The following LAMA5 variants were observed in gnomAD, a reference collection of about 807,000 sequenced individuals.
The protein encoded by LAMA5 is laminin subunit alpha 5.
LAMA5 carries 260 observed loss-of-function variants against 433.4 expected under a neutral mutation model. The ratio of observed to expected loss-of-function variants is 0.60; its 90% CI spans 0.54 to 0.66. The LOEUF is 0.66. Among genes scored for constraint, LAMA5 ranks in the 30% least tolerant of loss-of-function variants. LAMA5 has a pLI of 0.00. For synonymous variants in LAMA5, 2,620 were observed against 2,226.6 expected, an observed-to-expected ratio of 1.18 and a Z score of -4.97; for missense variants, 5,378 against 5,258.5, an observed-to-expected ratio of 1.02 and a Z score of -0.70.
Position 62,316,751 on chromosome 20 carries a change from A to C in LAMA5, c.7676T>G (p.Val2559Gly), listed in dbSNP as rs1601294532. The change falls in exon 57 of 80, where the codon GTG becomes GGG. Residue 2559 changes from valine (V) to glycine (G), a missense_variant. Transcript: ENST00000252999. ...TWATVVRQGL[V>G]DRAQQLLANS... Reference sequence around the variant, plus strand: ...GGCCAGGAGCTGCTGGGCTCGGTCCACCAGGCCCTGCCGCACCACCGTCTG... The same window carrying C: ...GGCCAGGAGCTGCTGGGCTCGGTCCCCCAGGCCCTGCCGCACCACCGTCTG... 3.7e-6 allele frequency: 6 copies of C among 1,607,244 alleles called. No homozygotes were observed. Among genetic ancestry groups the C allele is most frequent in the Non-Finnish European group, 4.2e-6 (5 of 1,177,108 alleles).
Position 62,309,997 on chromosome 20 carries a change from G to C in LAMA5, c.10819C>G (p.Arg3607Gly), listed in dbSNP as rs772708717. 3 of 1,610,764 alleles carry C rather than the reference G, an allele frequency of 1.9e-6. No homozygotes were observed. The South Asian group carries it at 3.3e-5, about 18-fold the overall frequency. The change falls in exon 78 of 80, where the codon CGG (arginine) becomes GGG (glycine). Residue 3607 changes from arginine (R) to glycine (G), a missense_variant. Coordinates refer to ENST00000252999, the MANE Select transcript of LAMA5 (RefSeq NM_005560.6). ...ACAGGAGGGGCCTCACCCGCTAGCC[G>C]GTGCCACTGGCCATCACACAGCACT... ...PSVLCDGQWH[R>G]LAVMKSGNVL...
At chr20:62,330,704 C>G (rs1288476736) in intron 30 of LAMA5, 39 bp downstream of exon 30, 1 of 1,555,164 alleles carries the variant, frequency 6.4e-7, no homozygotes, top group East Asian at 2.4e-5. Context: ...CGGAGTCCTG[C>G]CCTGACACCC....
rs997928988 is a variant in LAMA5, at chr20:62,314,839, A to G, written c.8156T>C (p.Val2719Ala). 3.7e-6 allele frequency: 6 copies of G among 1,612,800 alleles called. No homozygotes were observed. Among genetic ancestry groups the G allele is most frequent in the Non-Finnish European group, 5.1e-6 (6 of 1,179,926 alleles). The stretch of plus-strand genomic sequence containing the variant: ...CCGGGCCTGGGCAATGAGCTCTCGC[A>G]CGCGGCCAATGCTGGCGGACAGGGC... ...SLALSASIGR[V>A]RELIAQARGA... The change falls in exon 60 of 80, where the codon GTG becomes GCG. Residue 2719 changes from valine (V) to alanine (A), a missense_variant. Transcript: ENST00000252999.
chr20:62,343,084 A>G (rs1601386183), intron 11 of LAMA5, among the ~76,000 whole-genome samples: 1 of 152,210 alleles, frequency 6.6e-6, no homozygotes, highest in East Asian at 1.9e-4. Flanking sequence ...ATAAAGTTTT[A>G]TTGGAACGCC....
chr20:62,337,422 C>T (rs1981847166), intron 16 of LAMA5, among the ~76,000 whole-genome samples, 168 bp downstream of exon 16: 1 of 152,264 alleles, frequency 6.6e-6, no homozygotes, highest in Admixed American at 6.5e-5. Context: ...ACGCGGACAC[C>T]CCTGCACGGC....
rs759144430 is a variant in LAMA5, at chr20:62,327,400, C to T, written c.4945G>A (p.Asp1649Asn). 6.3e-7 allele frequency: 1 copy of T among 1,588,020 alleles called. No homozygotes were observed. Among genetic ancestry groups the T allele is most frequent in the South Asian group, 1.1e-5 (1 of 87,258 alleles). The change falls in exon 38 of 80, where the codon GAT becomes AAT. Residue 1649 changes from aspartate to asparagine, a missense_variant. By Grantham distance (23) the Asp-to-Asn change is conservative. Transcript: ENST00000252999. ...SSSYTRQEFV[D>N]MEGWVLLSTD... is the part of the protein sequence containing the mutation. ...CTCAGCAGCACCCATCCCTCCATAT[C>T]CACGAACTGTGGGCACACACGTGTG...
At position 62,309,738 on chromosome 20, in the gene LAMA5, A is replaced by G. The variant is rs1306238337; in HGVS notation, c.10926T>C (p.Pro3642=). Residue 3642 remains proline, a synonymous_variant, in exon 79 of 80, where the codon CCT becomes CCC. Coordinates refer to ENST00000252999, the MANE Select transcript of LAMA5 (RefSeq NM_005560.6). ...LLAAAAGAPA[P]LYLGGLPEPM... ...CACCAGGCAGGCCCCCGAGGTACAG[A>G]GGGGCTGGGGCACCAGCTGCAGCCG... The G allele has an allele frequency of 6.2e-7, 1 of 1,601,966 alleles. No individual in the cohort carries two copies. The highest frequency in any genetic ancestry group is 8.5e-7 in the Non-Finnish European group (1 of 1,176,664).
chr20:62,323,553 G>A lies in LAMA5; in HGVS notation c.5967C>T (p.Gly1989=), dbSNP rs567125190. The change falls in exon 45 of 80, where the codon GGC becomes GGT. Residue 1989 remains glycine (G), a synonymous_variant. Transcript: ENST00000252999. ...TGTGGCGCAGGCAGCCACGGCAGGC[G>A]CCCGTCAGGGGGTCGCAGTCGCTGA... ...LLFSDCDPLT[G]ACRGCLRHTT... 2.3e-5 allele frequency: 37 copies of A among 1,595,562 alleles called. No individual in the cohort carries two copies. Among genetic ancestry groups the A allele is most frequent in the African/African-American group, 1.3e-4 (10 of 74,934 alleles).
chr20:62,322,783 G>A (rs1226141649), intron 45 of LAMA5, 25 bp from the exon 46 acceptor site: 2 of 1,393,168 alleles, frequency 1.4e-6, no homozygotes, highest in Non-Finnish European at 1.9e-6. Context: ...CGTGACTGCA[G>A]CCCTGGGCCC....
chr20:62,333,019 C>T (rs1980781575), intron 26 of LAMA5, 71 bp downstream of exon 26: 19 of 1,426,716 alleles, frequency 1.3e-5, no homozygotes, highest in Middle Eastern at 2.6e-4. Flanking sequence ...CCTGCCACCG[C>T]CACAGGACCC....
rs202095004 is a variant in LAMA5, at chr20:62,310,349, C to G, written c.10601-38G>C. The G allele has an allele frequency of 5.1e-6, 8 of 1,573,066 alleles. No homozygotes were observed. The African/African-American group carries it at 5.4e-5, about 11-fold the overall frequency. On this transcript the variant is annotated intron_variant, in intron 76 of 79. Coordinates refer to ENST00000252999, the MANE Select transcript of LAMA5 (RefSeq NM_005560.6). ...GTTGTGATGGAGAAGAAAGGGGGGG[C>G]CCCTCCCCAGAACCTCCTGGAGCCC...
rs565374323 is a variant in LAMA5, at chr20:62,318,745, G to A, written c.7043-95C>T. ...GGTGCCCGCCAGATCCATCTGCCCC[G>A]TGATGCCCACCTGATGCCACTCCAT... On this transcript the variant is annotated intron_variant, in intron 52 of 79. Transcript: ENST00000252999. 300 of 1,568,690 alleles carry A rather than the reference G, an allele frequency of 1.9e-4. 3 individuals are homozygous for A. In the East Asian group the frequency reaches 5.4e-3, roughly 28 times the overall value.
In LAMA5 at chr20:62,330,563, G is replaced by C. The variant is rs756885022; in HGVS notation, c.3904C>G (p.Leu1302Val). ...HVPTLGRYAF[L>V]LHGYQPAHPT... Reference sequence around the variant, plus strand: ...TGGGCTGGCTGGTAGCCGTGCAGCAGGAAGGCATAGCGGCCCAGCGTGGGC... The same window carrying C: ...TGGGCTGGCTGGTAGCCGTGCAGCACGAAGGCATAGCGGCCCAGCGTGGGC... The change falls in exon 31 of 80, where the codon CTG becomes GTG. Residue 1302 changes from leucine to valine, a missense_variant. By Grantham distance (32) the Leu-to-Val change is conservative (BLOSUM62 1). Coordinates refer to ENST00000252999, the MANE Select transcript of LAMA5 (RefSeq NM_005560.6). The C allele has an allele frequency of 1.1e-5, 18 of 1,592,280 alleles. No individual in the cohort carries two copies. Among genetic ancestry groups the C allele is most frequent in the Non-Finnish European group, 4.3e-6 (5 of 1,171,172 alleles).
At chr20:62,325,990 G>A (rs1183828832) in intron 40 of LAMA5, among the ~76,000 whole-genome samples, 1 of 152,176 alleles carries the variant, frequency 6.6e-6, no homozygotes, top group Non-Finnish European at 1.5e-5. Flanking sequence ...GGAGGCTGAG[G>A]TGGGAGGATC....
chr20:62,333,089 C>G lies in LAMA5; in HGVS notation c.3282+1G>C. The G allele has an allele frequency of 6.7e-7, 1 of 1,501,480 alleles. No homozygotes were observed. The highest frequency in any genetic ancestry group is 2.3e-5 in the East Asian group (1 of 43,308). 93.0% of individuals were successfully genotyped at this position (1,501,480 alleles called of 1,614,324 possible). A position where few individuals can be genotyped will look rare whatever the true frequency, so the allele number is the denominator to read the frequency against. ...GCTCCGTGGGGTCCCAGGACACGCACATCACTGCCCGTGCAGGTGATCAGT... is the reference window on the plus strand; with the variant it reads ...GCTCCGTGGGGTCCCAGGACACGCAGATCACTGCCCGTGCAGGTGATCAGT... On this transcript the variant is annotated splice_donor_variant, in intron 26 of 79. Coordinates refer to ENST00000252999, the MANE Select transcript of LAMA5 (RefSeq NM_005560.6). LOFTEE classifies it high-confidence loss of function.
Position 62,312,501 on chromosome 20 carries a change from CTG to C in LAMA5, c.9257_9258del (p.Ser3086CysfsTer103). The C allele has an allele frequency of 6.3e-7, 1 of 1,598,832 alleles. No individual in the cohort carries two copies. Among genetic ancestry groups the C allele is most frequent in the Non-Finnish European group, 8.5e-7 (1 of 1,179,666 alleles). On this transcript the variant is annotated frameshift_variant, in exon 68 of 80. Coordinates refer to ENST00000252999, the MANE Select transcript of LAMA5 (RefSeq NM_005560.6). LOFTEE classifies it high-confidence loss of function. ...SLRRLFPTGGSVRGCVKGIKA... is the reference protein window; with the variant it reads ...SLRRLFPTGGXVRGCVKGIKA... Reference sequence around the variant, plus strand: ...TTGATGCCTTTGACGCAGCCACGGACTGAGCCTCCGGTGGGGAAGAGCCGTCG... The same window carrying C: ...TTGATGCCTTTGACGCAGCCACGGACAGCCTCCGGTGGGGAAGAGCCGTCG...
rs1437495031 is a variant in LAMA5, at chr20:62,367,100, T to C, written c.146A>G (p.Tyr49Cys). 2.6e-5 allele frequency: 33 copies of C among 1,278,152 alleles called. No individual in the cohort carries two copies. Among genetic ancestry groups the C allele is most frequent in the Non-Finnish European group, 3.2e-5 (33 of 1,015,598 alleles). The allele number at this position is 1,278,152 out of a possible 1,614,324, so 79.2% of individuals were successfully genotyped here. ...AGGGFSLHPP[Y>C]FNLAEGARIA... ...GCGGGCGCCCTCGGCCAGGTTGAAG[T>C]AGGGCGGGTGCAGGCTGAAGCCGCC... Residue 49 changes from tyrosine (Y) to cysteine (C), a missense_variant, in exon 1 of 80, where the codon TAC (tyrosine) becomes TGC (cysteine). Physicochemically the swap from Tyr to Cys is radical, Grantham distance 194 (BLOSUM62 -2). Coordinates refer to ENST00000252999, the MANE Select transcript of LAMA5 (RefSeq NM_005560.6).
chr20:62,337,512 G>A (rs947081507), intron 16 of LAMA5, 78 bp downstream of exon 16: 10 of 1,524,926 alleles, frequency 6.6e-6, no homozygotes, highest in South Asian at 1.2e-5. Flanking sequence ...AGCCTCACAG[G>A]AAGGCAGGCA....
rs1986302877 is a variant in LAMA5, at chr20:62,311,799, G to A, written c.9636-15C>T. 4 of 1,558,382 alleles carry A rather than the reference G, an allele frequency of 2.6e-6. No homozygotes were observed. Among genetic ancestry groups the A allele is most frequent in the Non-Finnish European group, 3.5e-6 (4 of 1,153,162 alleles). The stretch of plus-strand genomic sequence containing the variant: ...ACAGCCAGACTCTGGGGGGCGGGAG[G>A]CCGGAGGCTCGGTTTTTCCCCACCC... On this transcript the variant is annotated splice_polypyrimidine_tract_variant and intron_variant, in intron 70 of 79. Coordinates refer to ENST00000252999, the MANE Select transcript of LAMA5 (RefSeq NM_005560.6).
Sources: allele counts gnomAD v4.1 joint callset (sites outside exome capture counted in the v4.1 genomes callset), GRCh38; gene constraint gnomAD v4.1.1; transcripts MANE v1.5; gene names NCBI Gene and HGNC (gene_info 2026-07-23, HGNC 2026-07-21).